Variants in PCSK5 observed in about 807,000 individuals in gnomAD.
The protein encoded by PCSK5 is prohormone convertase 5.
Under a neutral mutation model 233.2 loss-of-function variants are expected in PCSK5, and 129 were observed. The ratio of observed to expected loss-of-function variants is 0.55; its 90% CI spans 0.48 to 0.64. PCSK5 has a LOEUF of 0.64. PCSK5 is among the 30% of genes least tolerant of loss of function. The pLI, the probability that PCSK5 is intolerant of heterozygous loss-of-function variation, is 0.00. For missense variants in PCSK5, 2,076 were observed against 2,430.1 expected (o/e 0.85, Z 3.06); for synonymous variants, 825 against 879.2 (o/e 0.94, Z 1.09).
At chr9:75,933,406 A>G (rs577458943) in intron 2 of PCSK5, among the ~76,000 whole-genome samples, 143 of 151,988 alleles carry the variant, frequency 9.4e-4, no homozygotes, top group Non-Finnish European at 1.7e-3. Flanking sequence ...TCCCCTCCTT[A>G]CGATTTGGGT....
At chr9:75,943,953 A>G (rs1563928218) in intron 2 of PCSK5, among the ~76,000 whole-genome samples, 2 of 152,130 alleles carry the variant, frequency 1.3e-5, no homozygotes, top group Non-Finnish European at 1.5e-5. Flanking sequence ...GCTTAAGTCC[A>G]GGAGTTCGAG....
chr9:76,079,503 C>T lies in PCSK5; in HGVS notation c.894+7605C>T, dbSNP rs114724509. Among the ~76,000 whole-genome samples the T allele has an allele frequency of 2.6e-3, 398 of 152,170 alleles. 3 individuals carry two copies. Among genetic ancestry groups the T allele is most frequent in the African/African-American group, 9.0e-3 (372 of 41,520 alleles). The stretch of plus-strand genomic sequence containing the variant: ...GGTGTATAGAAATGCTACTGATTTT[C>T]GTGCGTTGGTTTTATATCTTGGAGC... On this transcript the variant is annotated intron_variant, in intron 7 of 37. Transcript: ENST00000674117.
chr9:76,166,344 C>T (rs1331386), intron 12 of PCSK5, among the ~76,000 whole-genome samples: 135,273 of 152,276 alleles, frequency 0.89, 60,131 homozygotes, highest in East Asian at 1. Flanking sequence ...CTTTGAAACA[C>T]TTACTTGAAT....
intron 20 of PCSK5, among the ~76,000 whole-genome samples, chr9:76,218,854 A>T (rs1825632359): frequency 6.6e-6 from 1 of 152,020 alleles, no homozygotes; most frequent in South Asian, 2.1e-4. Context: ...CACGGAGCAA[A>T]CCTTGATTCC....
chr9:76,336,327 A>G lies in PCSK5; in HGVS notation c.4749-1903A>G, dbSNP rs111636943. Among the ~76,000 whole-genome samples the G allele has an allele frequency of 5.9e-3, 900 of 152,122 alleles. 10 individuals are homozygous for G. The highest frequency in any genetic ancestry group is 0.019 in the African/African-American group (783 of 41,500). On this transcript the variant is annotated intron_variant, in intron 34 of 37. Coordinates refer to ENST00000674117, the MANE Select transcript of PCSK5 (RefSeq NM_001372043.1). Reference sequence around the variant, plus strand: ...GAATTAGTCTACAAAAAAAAAGCCTATTGGGACCTGTAGTGTTGCACCAGA... The same window carrying G: ...GAATTAGTCTACAAAAAAAAAGCCTGTTGGGACCTGTAGTGTTGCACCAGA...
intron 12 of PCSK5, among the ~76,000 whole-genome samples, chr9:76,164,590 G>T (rs190252244): frequency 6.6e-6 from 1 of 152,208 alleles, no homozygotes; most frequent in East Asian, 1.9e-4. Context: ...ATCAGTCTGC[G>T]GTGAGGTCCA....
intron 7 of PCSK5, among the ~76,000 whole-genome samples, chr9:76,083,204 C>CAAAAAAAAA (rs11324176): frequency 1.3e-5 from 1 of 75,458 alleles, no homozygotes; most frequent in South Asian, 5.0e-4. Context: ...AGCGAGATCT[C>CAAAAAAAAA]AAAAAAAAAA....
At chr9:76,205,174 T>C in intron 20 of PCSK5, 1 of 518,994 alleles carries the variant, frequency 1.9e-6, no homozygotes, top group African/African-American at 1.9e-5. Flanking sequence ...AAACCTCAGT[T>C]TGCAGCTATC....
At chr9:75,901,782 A>G (rs1410831184) in intron 1 of PCSK5, among the ~76,000 whole-genome samples, 3 of 152,244 alleles carry the variant, frequency 2.0e-5, no homozygotes, top group Non-Finnish European at 2.9e-5. Flanking sequence ...TGTACCAAAT[A>G]GCAATGAGGT....
intron 12 of PCSK5, among the ~76,000 whole-genome samples, chr9:76,167,912 T>C (rs1823154044): frequency 6.6e-6 from 1 of 152,218 alleles, no homozygotes; most frequent in South Asian, 2.1e-4. Context: ...TGATTGCCCC[T>C]AAGAAAATTT....
intron 2 of PCSK5, among the ~76,000 whole-genome samples, chr9:75,947,256 G>A (rs1017007098): frequency 6.6e-6 from 1 of 151,990 alleles, no homozygotes; most frequent in Non-Finnish European, 1.5e-5. Flanking sequence ...CTTCTAAGAC[G>A]ACAACAACAG....
chr9:76,006,716 A>G (rs778095187), intron 3 of PCSK5, among the ~76,000 whole-genome samples: 1 of 152,158 alleles, frequency 6.6e-6, no homozygotes, highest in Admixed American at 6.5e-5. Flanking sequence ...TTTGCGAGTC[A>G]TATCTTGGTT....
chr9:75,907,099 T>C (rs1047440254), intron 1 of PCSK5, among the ~76,000 whole-genome samples: 2 of 152,204 alleles, frequency 1.3e-5, no homozygotes, highest in South Asian at 2.1e-4. Context: ...AAAATGTAGG[T>C]ATAGGTAAAA....
intron 29 of PCSK5, among the ~76,000 whole-genome samples, chr9:76,309,952 A>C (rs981305): frequency 0.013 from 1,931 of 152,198 alleles, 38 homozygotes; most frequent in African/African-American, 0.044. Flanking sequence ...TGTTAAAGGG[A>C]GAGTTGGGTG....
intron 12 of PCSK5, among the ~76,000 whole-genome samples, chr9:76,161,261 G>A (rs1822839339): frequency 6.6e-6 from 1 of 152,086 alleles, no homozygotes; most frequent in South Asian, 2.1e-4. Flanking sequence ...GGATCGCTGG[G>A]CACTTCCTCA....
intron 7 of PCSK5, among the ~76,000 whole-genome samples, chr9:76,073,952 T>C (rs1830560950): frequency 6.6e-6 from 1 of 152,180 alleles, no homozygotes; most frequent in Admixed American, 6.5e-5. Flanking sequence ...CAAAATCACC[T>C]GAGAAAATTA....
chr9:76,190,018 A>T (rs529193519), intron 20 of PCSK5, among the ~76,000 whole-genome samples: 35 of 152,128 alleles, frequency 2.3e-4, no homozygotes, highest in Non-Finnish European at 2.8e-4. Flanking sequence ...GCAGTTTTAG[A>T]TTCATAAGCA....
intron 24 of PCSK5, among the ~76,000 whole-genome samples, chr9:76,275,677 G>A (rs1010555607): frequency 1.3e-5 from 2 of 152,106 alleles, no homozygotes; most frequent in African/African-American, 2.4e-5. Context: ...CACCTGCCTC[G>A]GCCTCCCAAA....
intron 7 of PCSK5, among the ~76,000 whole-genome samples, chr9:76,079,160 C>T (rs1463130064): frequency 8.6e-5 from 13 of 151,656 alleles, no homozygotes; most frequent in African/African-American, 2.7e-4. Context: ...AGTGCAGTGG[C>T]GTGCGTGATC....
Sources: allele counts gnomAD v4.1 joint callset (sites outside exome capture counted in the v4.1 genomes callset), GRCh38; gene constraint gnomAD v4.1.1; transcripts MANE v1.5; gene names NCBI Gene and HGNC (gene_info 2026-07-23, HGNC 2026-07-21).